Variants in ANKRD13C observed in about 807,000 individuals in gnomAD.
ANKRD13C encodes ankyrin repeat domain-containing protein 13C.
ANKRD13C carries 16 observed loss-of-function variants against 65.5 expected under a neutral mutation model. The observed-to-expected ratio is 0.24, with a 90% CI of 0.17 to 0.37. The LOEUF is 0.37. ANKRD13C is among the 10% of genes least tolerant of loss of function. The pLI, the probability that ANKRD13C is intolerant of heterozygous loss-of-function variation, is 1.00. For synonymous variants in ANKRD13C, 235 were observed against 238.7 expected (o/e 0.98, Z 0.14); for missense variants, 503 against 655.9 (o/e 0.77, Z 2.55).
chr1:70,348,169 A>G (rs1384115400), intron 1 of ANKRD13C, among the ~76,000 whole-genome samples: 2 of 152,152 alleles, frequency 1.3e-5, no homozygotes, highest in Non-Finnish European at 2.9e-5. Flanking sequence ...AGTGACTAAA[A>G]GTAGAGAAAA....
chr1:70,336,510 AAAT>A (rs1053514695), intron 1 of ANKRD13C, among the ~76,000 whole-genome samples: 8 of 152,118 alleles, frequency 5.3e-5, no homozygotes, highest in African/African-American at 1.9e-4. Context: ...ATATGAAAAT[AAAT>A]AATAATTATT....
intron 9 of ANKRD13C, among the ~76,000 whole-genome samples, chr1:70,286,123 C>G (rs1679614738): frequency 2.0e-5 from 3 of 152,066 alleles, no homozygotes; most frequent in Admixed American, 6.6e-5. Flanking sequence ...ATAATTACAC[C>G]TATCAATTCT....
intron 12 of ANKRD13C, among the ~76,000 whole-genome samples, chr1:70,265,505 T>A (rs1386429301): frequency 6.6e-6 from 1 of 152,112 alleles, no homozygotes; most frequent in African/African-American, 2.4e-5. Context: ...TTTGAGACAA[T>A]TACAGATTCA....
At position 70,262,772 on chromosome 1, in the gene ANKRD13C, A is replaced by G; in HGVS notation, c.1571T>C (p.Ile524Thr). 6.2e-7 allele frequency: 1 copy of G among 1,613,744 alleles called. No individual in the cohort carries two copies. The highest frequency in any genetic ancestry group is 8.5e-7 in the Non-Finnish European group (1 of 1,179,730). Residue 524 changes from isoleucine (I) to threonine (T), a missense_variant, in exon 13 of 13, where the codon ATC becomes ACC. This residue lies in a region of ANKRD13C where 300 missense variants were observed against 478.3 expected (regional missense o/e 0.63). Transcript: ENST00000370944. ...EFRYDEFDGSIFTIPDDYKED... is the reference protein window; with the variant it reads ...EFRYDEFDGSTFTIPDDYKED... ...CTTGTAGTCATCAGGTATAGTAAAG[A>G]TGGAGCCATCAAATTCATCGTATCG...
Position 70,354,148 on chromosome 1 carries a change from G to A in ANKRD13C, c.261C>T (p.Ala87=), listed in dbSNP as rs1330107609. 6.2e-6 allele frequency: 10 copies of A among 1,614,096 alleles called. No homozygotes were observed. Among genetic ancestry groups the A allele is most frequent in the Non-Finnish European group, 6.8e-6 (8 of 1,179,984 alleles). Residue 87 remains alanine, a synonymous_variant, in exon 1 of 13, where the codon GCC becomes GCT. Transcript: ENST00000370944. ...ALPLHNSSVT[A]NSQSPALLAG... ...CCAGAAGGGCCGGGGACTGGGAGTT[G>A]GCAGTCACGGAGGAATTGTGCAGCG...
At chr1:70,286,203 C>A (rs1164690302) in intron 9 of ANKRD13C, among the ~76,000 whole-genome samples, 1 of 152,106 alleles carries the variant, frequency 6.6e-6, no homozygotes, top group Non-Finnish European at 1.5e-5. Flanking sequence ...TGATGAATAT[C>A]TGATAGAATT....
chr1:70,306,356 A>G (rs1426891764), intron 5 of ANKRD13C, 66 bp from the exon 6 acceptor site: 2 of 1,013,550 alleles, frequency 2.0e-6, no homozygotes, highest in Admixed American at 4.5e-5. Context: ...CAAACTTTTA[A>G]ATTAAAAGAG....
At chr1:70,306,397 A>G in intron 5 of ANKRD13C, 107 bp from the exon 6 acceptor site, 1 of 638,356 alleles carries the variant, frequency 1.6e-6, no homozygotes, top group Non-Finnish European at 2.5e-6. Context: ...AAATTATAAT[A>G]ATTTCCTTTC....
chr1:70,276,028 T>C (rs1389043068), intron 10 of ANKRD13C, among the ~76,000 whole-genome samples: 1 of 124,456 alleles, frequency 8.0e-6, no homozygotes, highest in Non-Finnish European at 1.7e-5. Flanking sequence ...TTCAGAAAAA[T>C]ATAACAAAAC....
At chr1:70,337,078 G>A (rs1403857032) in intron 1 of ANKRD13C, among the ~76,000 whole-genome samples, 1 of 151,502 alleles carries the variant, frequency 6.6e-6, no homozygotes, top group Non-Finnish European at 1.5e-5. Context: ...GGGATCACAT[G>A]CAGGACATAA....
intron 9 of ANKRD13C, among the ~76,000 whole-genome samples, chr1:70,281,956 T>C (rs900040367): frequency 7.3e-5 from 11 of 150,612 alleles, no homozygotes; most frequent in Non-Finnish European, 8.8e-5. Context: ...GCTGAGGTCA[T>C]GCCACTGCAC....
At chr1:70,335,292 G>A (rs1349190433) in intron 2 of ANKRD13C, among the ~76,000 whole-genome samples, 1 of 151,822 alleles carries the variant, frequency 6.6e-6, no homozygotes, top group Non-Finnish European at 1.5e-5. Flanking sequence ...TGTAGTCCCA[G>A]CTACTCAGGA....
chr1:70,272,435 G>C (rs1359143429), intron 11 of ANKRD13C, among the ~76,000 whole-genome samples: 1 of 151,734 alleles, frequency 6.6e-6, no homozygotes, highest in Non-Finnish European at 1.5e-5. Context: ...GGTCAGGCTG[G>C]TCTCAAACTC....
At chr1:70,352,526 T>C (rs1682790136) in intron 1 of ANKRD13C, among the ~76,000 whole-genome samples, 1 of 152,076 alleles carries the variant, frequency 6.6e-6, no homozygotes, top group African/African-American at 2.4e-5. Context: ...TATTCATCCA[T>C]CTCTTCTTTC....
At chr1:70,264,205 G>A (rs1678506748) in intron 12 of ANKRD13C, among the ~76,000 whole-genome samples, 1 of 152,102 alleles carries the variant, frequency 6.6e-6, no homozygotes, top group African/African-American at 2.4e-5. Flanking sequence ...GCTGGGCGTG[G>A]TGGCTCACGC....
chr1:70,322,848 C>T (rs1189530776), intron 3 of ANKRD13C, among the ~76,000 whole-genome samples: 16 of 152,184 alleles, frequency 1.1e-4, no homozygotes, highest in African/African-American at 3.4e-4. Context: ...CAAGATTAGC[C>T]GGGCATGGTG....
intron 1 of ANKRD13C, among the ~76,000 whole-genome samples, chr1:70,345,782 A>G (rs1333163310): frequency 6.6e-6 from 1 of 152,166 alleles, no homozygotes; most frequent in African/African-American, 2.4e-5. Flanking sequence ...TTTTTCATTC[A>G]CAACAAATAA....
intron 3 of ANKRD13C, among the ~76,000 whole-genome samples, chr1:70,321,566 G>C (rs1013775687): frequency 2.0e-5 from 3 of 152,118 alleles, no homozygotes; most frequent in African/African-American, 7.2e-5. Context: ...ACAACTTCTG[G>C]AGAGACAAAA....
intron 6 of ANKRD13C, among the ~76,000 whole-genome samples, chr1:70,305,268 A>T (rs1680540476): frequency 6.6e-6 from 1 of 152,174 alleles, no homozygotes; most frequent in South Asian, 2.1e-4. Flanking sequence ...GCTGATTTTT[A>T]AAAACTTCTG....
Sources: gnomAD v4.1 joint callset for allele counts (sites outside exome capture counted in the v4.1 genomes callset) on GRCh38, gnomAD v4.1.1 for gene constraint, gnomAD v4.1.1 regional missense constraint, MANE v1.5 for transcripts, NCBI Gene and HGNC (gene_info 2026-07-23, HGNC 2026-07-21) for gene names.